SAMD12: variants seen among roughly 807,000 people sequenced by gnomAD.
SAMD12 encodes the protein sterile alpha motif domain containing 12.
Under a neutral mutation model 15.0 loss-of-function variants are expected in SAMD12, and 9 were observed. The ratio of observed to expected loss-of-function variants is 0.60; its 90% CI spans 0.36 to 1.05. The LOEUF (loss-of-function observed/expected upper bound fraction) is 1.05. Among genes scored for constraint, SAMD12 ranks in the 50% least tolerant of loss-of-function variants. The probability of loss-of-function intolerance (pLI) is 0.01; values close to 1 mark genes in which losing one functional copy is unlikely to be tolerated. For synonymous variants in SAMD12, 86 were observed against 90.1 expected (o/e 0.96, Z 0.25); for missense variants, 230 against 234.2 (o/e 0.98, Z 0.12).
chr8:118,226,059 C>G (rs1317216386), intron 4 of SAMD12, among the ~76,000 whole-genome samples: 1 of 152,096 alleles, frequency 6.6e-6, no homozygotes, highest in Non-Finnish European at 1.5e-5. Flanking sequence ...GCACATTGAG[C>G]GCTTACTCTG....
intron 1 of SAMD12, among the ~76,000 whole-genome samples, chr8:118,617,664 G>C (rs1459980846): frequency 6.6e-6 from 1 of 151,946 alleles, no homozygotes; most frequent in Non-Finnish European, 1.5e-5. Context: ...ATAAATATCT[G>C]AGGACAAAGC....
chr8:118,384,592 T>C (rs1457050670), intron 3 of SAMD12, among the ~76,000 whole-genome samples: 1 of 152,150 alleles, frequency 6.6e-6, no homozygotes, highest in Non-Finnish European at 1.5e-5. Flanking sequence ...GAGCCACCAA[T>C]GGCTGGAGGC....
chr8:118,268,398 A>C (rs1813259384), intron 4 of SAMD12, among the ~76,000 whole-genome samples: 1 of 152,224 alleles, frequency 6.6e-6, no homozygotes, highest in South Asian at 2.1e-4. Flanking sequence ...CCTTTCCTGC[A>C]TGACTATTGT....
At chr8:118,175,327 C>T in the SAMD12 span, among the ~76,000 whole-genome samples, 10 of 152,110 alleles carry the variant, frequency 6.6e-5, no homozygotes, top group Non-Finnish European at 1.2e-4. Context: ...CTAGTTTTAC[C>T]ATATATGAAA....
chr8:118,497,481 C>G (rs1053615940), intron 2 of SAMD12, among the ~76,000 whole-genome samples: 1 of 152,108 alleles, frequency 6.6e-6, no homozygotes, highest in Admixed American at 6.5e-5. Context: ...AAACCAAATG[C>G]CTCATGTTCT....
chr8:118,620,499 A>G (rs1182975817), intron 1 of SAMD12, among the ~76,000 whole-genome samples: 2 of 149,408 alleles, frequency 1.3e-5, no homozygotes, highest in African/African-American at 2.5e-5. Context: ...GAGAGAGAGG[A>G]TTTCATTTTT....
Position 118,469,547 on chromosome 8 carries a change from A to AATATATATT in SAMD12, c.193-29587_193-29586insAATATATAT, listed in dbSNP as rs1563879331. On this transcript the variant is annotated intron_variant, in intron 2 of 3. Coordinates refer to ENST00000314727, the MANE Select transcript of SAMD12 (RefSeq NM_207506.3). Reference sequence around the variant, plus strand: ...TATAATATATTATATATATTATATTATTATATATAATATATTATATATGTA... The same window carrying AATATATATT: ...TATAATATATTATATATATTATATTAATATATATTTTATATATAATATATTATATATGTA... Among the ~76,000 whole-genome samples the AATATATATT allele has an allele frequency of 5.0e-3, 2 of 400 alleles. 1 individual carries two copies. Among genetic ancestry groups the AATATATATT allele is most frequent in the African/African-American group, 0.022 (2 of 90 alleles). The allele number at this position is 400 out of a possible 152,430, so 0.3% of individuals were successfully genotyped here.
downstream of SAMD12, among the ~76,000 whole-genome samples, chr8:118,185,997 A>G (rs1036218238): frequency 6.6e-6 from 1 of 152,146 alleles, no homozygotes; most frequent in Non-Finnish European, 1.5e-5. Context: ...TATTTCCAAA[A>G]GTGTTTGTTC....
At chr8:118,222,950 C>T (rs754280924) in intron 4 of SAMD12, among the ~76,000 whole-genome samples, 2 of 152,164 alleles carry the variant, frequency 1.3e-5, no homozygotes, top group Non-Finnish European at 1.5e-5. Context: ...GGCCATCTGA[C>T]TTGTCAAAAC....
chr8:118,213,979 AC>A (rs1448989860), intron 4 of SAMD12, among the ~76,000 whole-genome samples: 4 of 152,216 alleles, frequency 2.6e-5, no homozygotes, highest in Admixed American at 2.6e-4. Context: ...CCACACCCCA[AC>A]TTCCCATAAA....
intron 4 of SAMD12, among the ~76,000 whole-genome samples, chr8:118,272,995 G>A (rs1222833943): frequency 2.6e-5 from 4 of 152,088 alleles, no homozygotes; most frequent in African/African-American, 9.7e-5. Flanking sequence ...CAGTTCCAAA[G>A]TCACTTCCAC....
rs140053319 is a variant in SAMD12 at position 118,480,241 on chromosome 8, G to T, written c.193-40280C>A. Among the ~76,000 whole-genome samples the T allele has an allele frequency of 5.9e-5, 9 of 152,268 alleles. No homozygotes were observed. In the East Asian group the frequency reaches 1.4e-3, roughly 23 times the overall value. Reference sequence around the variant, plus strand: ...AGATAGCAGTGGGTGACCACAGTATGGTGAGCAAATTGGAAGGTTACAGGA... The same window carrying T: ...AGATAGCAGTGGGTGACCACAGTATTGTGAGCAAATTGGAAGGTTACAGGA... On this transcript the variant is annotated intron_variant, in intron 2 of 3. Transcript: ENST00000314727.
At chr8:118,619,068 C>A (rs1455807447) in intron 1 of SAMD12, among the ~76,000 whole-genome samples, 2 of 152,114 alleles carry the variant, frequency 1.3e-5, no homozygotes, top group East Asian at 1.9e-4. Context: ...GATGGCCATG[C>A]GCTGCAGGAC....
In SAMD12 at chr8:118,440,144, C is replaced by A. The variant is rs547174341; in HGVS notation, c.193-183G>T. Reference sequence around the variant, plus strand: ...ACTGCTGAAAAGCACAAAGAAAGGTCCAGGTGGAGAAGCTGTGAAAATGAT... The same window carrying A: ...ACTGCTGAAAAGCACAAAGAAAGGTACAGGTGGAGAAGCTGTGAAAATGAT... On this transcript the variant is annotated intron_variant, in intron 2 of 3. Coordinates refer to ENST00000314727, the MANE Select transcript of SAMD12 (RefSeq NM_207506.3). Among the ~76,000 whole-genome samples, 10 of 152,208 alleles carry A rather than the reference C, an allele frequency of 6.6e-5. 1 individual carries two copies. In the South Asian group the frequency reaches 2.1e-3, roughly 32 times the overall value.
At chr8:118,272,770 C>A (rs1364833404) in intron 4 of SAMD12, among the ~76,000 whole-genome samples, 1 of 152,208 alleles carries the variant, frequency 6.6e-6, no homozygotes, top group Admixed American at 6.5e-5. Context: ...ACAAGTTCCT[C>A]ATCTCCATCT....
intron 4 of SAMD12, among the ~76,000 whole-genome samples, chr8:118,223,343 A>G (rs1812121122): frequency 6.6e-6 from 1 of 152,194 alleles, no homozygotes; most frequent in Non-Finnish European, 1.5e-5. Flanking sequence ...TCAAAGTCAC[A>G]CTAAGTCACT....
At chr8:118,481,364 A>G (rs1824122456) in intron 2 of SAMD12, among the ~76,000 whole-genome samples, 1 of 152,234 alleles carries the variant, frequency 6.6e-6, no homozygotes, top group South Asian at 2.1e-4. Flanking sequence ...CTTAACACCT[A>G]GCAGTGTTCT....
intron 4 of SAMD12, among the ~76,000 whole-genome samples, chr8:118,261,194 T>G (rs572409256): frequency 1.3e-5 from 2 of 152,258 alleles, no homozygotes; most frequent in Non-Finnish European, 2.9e-5. Context: ...TTAGCTCAAC[T>G]AAATACAGCA....
intron 4 of SAMD12, among the ~76,000 whole-genome samples, chr8:118,291,746 T>C (rs575880664): frequency 5.3e-5 from 8 of 151,788 alleles, no homozygotes; most frequent in African/African-American, 1.9e-4. Flanking sequence ...ATGTAAACTG[T>C]CATGTGTTTT....
Sources: gnomAD v4.1 joint callset for allele counts (sites outside exome capture counted in the v4.1 genomes callset) on GRCh38, gnomAD v4.1.1 for gene constraint, MANE v1.5 for transcripts, NCBI Gene and HGNC (gene_info 2026-07-23, HGNC 2026-07-21) for gene names.